CFAP54: variants seen among roughly 807,000 people sequenced by gnomAD.
The protein encoded by CFAP54 is cilia- and flagella-associated protein 54.
CFAP54 carries 290 observed loss-of-function variants against 370.4 expected under a neutral mutation model. That is an observed-to-expected ratio of 0.78 (90% confidence interval 0.71 to 0.86). The LOEUF (loss-of-function observed/expected upper bound fraction) is 0.86, where lower values mean the gene tolerates loss of function less well. CFAP54 is among the 40% of genes least tolerant of loss of function. CFAP54 has a pLI of 0.00. For missense variants in CFAP54, 3,399 were observed against 3,528.7 expected (o/e 0.96, Z 0.93); for synonymous variants, 1,206 against 1,236.5 (o/e 0.98, Z 0.52).
intron 50 of CFAP54, among the ~76,000 whole-genome samples, chr12:96,724,611 T>C (rs1385056981): frequency 3.9e-4 from 60 of 152,144 alleles, no homozygotes; most frequent in African/African-American, 1.2e-3. Context: ...AAAATTTTCT[T>C]CCATTTTGTA....
At chr12:96,595,948 A>G (rs1300732865) in intron 25 of CFAP54, among the ~76,000 whole-genome samples, 1 of 152,148 alleles carries the variant, frequency 6.6e-6, no homozygotes, top group African/African-American at 2.4e-5. Context: ...AAGGTCTTCA[A>G]TGTACTTCAC....
intron 6 of CFAP54, among the ~76,000 whole-genome samples, chr12:96,521,539 TGTGTGTGTGCGC>T (rs777250073): frequency 3.4e-4 from 42 of 124,606 alleles, no homozygotes; most frequent in Middle Eastern, 4.3e-3. Context: ...TGTGTGTGTG[TGTGTGTGTGCGC>T]GTGCGCACAT....
intron 35 of CFAP54, 48 bp from the exon 36 acceptor site, chr12:96,651,540 T>C: frequency 6.8e-7 from 1 of 1,460,468 alleles, no homozygotes; most frequent in Admixed American, 1.8e-5. Flanking sequence ...TTCAGAGATC[T>C]GTAACTTTTG....
chr12:96,708,430 T>C (rs1273497296), intron 47 of CFAP54, among the ~76,000 whole-genome samples, 178 bp from the exon 48 acceptor site: 4 of 152,154 alleles, frequency 2.6e-5, no homozygotes, highest in African/African-American at 7.2e-5. Flanking sequence ...ATTGTTGAAC[T>C]GTTGAGATGG....
At chr12:96,692,913 T>G (rs1367439832) in intron 44 of CFAP54, among the ~76,000 whole-genome samples, 1 of 152,190 alleles carries the variant, frequency 6.6e-6, no homozygotes, top group Non-Finnish European at 1.5e-5. Context: ...AGGCTACAGT[T>G]GCAGGAGCTG....
At position 96,626,949 on chromosome 12, in the gene CFAP54, A is replaced by G. The variant is rs1340041931; in HGVS notation, c.4103+10A>G. On this transcript the variant is annotated intron_variant, in intron 30 of 67. Transcript: ENST00000524981. ...ATGACTTCTTGAAAAGGTACTTGCA[A>G]TTATCAGTGTTATACATGTTAACAA... 7 of 1,344,450 alleles carry G rather than the reference A, an allele frequency of 5.2e-6. No individual in the cohort carries two copies. Among genetic ancestry groups the G allele is most frequent in the South Asian group, 4.1e-5 (2 of 49,128 alleles). The allele number at this position is 1,344,450 out of a possible 1,614,324, so 83.3% of individuals were successfully genotyped here. A position where few individuals can be genotyped will look rare whatever the true frequency, so the allele number is the denominator to read the frequency against.
intron 26 of CFAP54, among the ~76,000 whole-genome samples, chr12:96,614,126 CA>C (rs1246877040): frequency 6.6e-6 from 1 of 152,118 alleles, no homozygotes; most frequent in African/African-American, 2.4e-5. Context: ...AAAATGCTGG[CA>C]AACGGAATCC....
At chr12:96,620,424 C>T (rs1565917229) in intron 26 of CFAP54, among the ~76,000 whole-genome samples, 1 of 152,132 alleles carries the variant, frequency 6.6e-6, no homozygotes, top group Non-Finnish European at 1.5e-5. Flanking sequence ...CTATACAGGC[C>T]CTCTTGCTTG....
At chr12:96,708,274 C>A (rs1333845737) in intron 47 of CFAP54, among the ~76,000 whole-genome samples, 1 of 152,094 alleles carries the variant, frequency 6.6e-6, no homozygotes, top group African/African-American at 2.4e-5. Flanking sequence ...AGCAGAGTAG[C>A]CGATGTGTGT....
rs554646942 is a variant in CFAP54, at chr12:96,574,368, T to C, written c.2620-2217T>C. Among the ~76,000 whole-genome samples, 31 of 152,272 alleles carry C rather than the reference T, an allele frequency of 2.0e-4. No individual in the cohort carries two copies. The East Asian group carries it at 4.8e-3, about 24-fold the overall frequency. ...TTCATTTCCAGGATCTCTTCTCTTA[T>C]GTTTGTTGAATTAACTAGAACTTCC... On this transcript the variant is annotated intron_variant, in intron 19 of 67. Coordinates refer to ENST00000524981, the MANE Select transcript of CFAP54 (RefSeq NM_001306084.2).
intron 36 of CFAP54, among the ~76,000 whole-genome samples, chr12:96,657,540 A>G (rs1223350711): frequency 6.6e-6 from 1 of 152,234 alleles, no homozygotes; most frequent in African/African-American, 2.4e-5. Flanking sequence ...AACATTAGCC[A>G]TATGTGGCTA....
intron 4 of CFAP54, among the ~76,000 whole-genome samples, chr12:96,510,756 G>A (rs1267439507): frequency 6.6e-6 from 1 of 152,020 alleles, no homozygotes; most frequent in Non-Finnish European, 1.5e-5. Flanking sequence ...GAGGTCAGGA[G>A]TTCGAGACCA....
intron 66 of CFAP54, among the ~76,000 whole-genome samples, chr12:96,830,848 T>G (rs1959168807): frequency 6.6e-6 from 1 of 152,002 alleles, no homozygotes; most frequent in Non-Finnish European, 1.5e-5. Flanking sequence ...TGGCTAATTT[T>G]TTTTTTTAGT....
chr12:96,511,241 G>C (rs7132950), intron 4 of CFAP54, among the ~76,000 whole-genome samples: 20,839 of 152,112 alleles, frequency 0.14, 1,534 homozygotes, highest in Middle Eastern at 0.19. Flanking sequence ...TTGTGTAATT[G>C]ATGTTTATTA....
rs571881067 is a variant in CFAP54 at position 96,802,003 on chromosome 12, T to G, written c.8850+9504T>G. ...GCGGACCACACTTCCTACAGCTTCT[T>G]GCTCATATTGCATGGCTGGGAAGGG... On this transcript the variant is annotated intron_variant, in intron 63 of 67. Transcript: ENST00000524981. Among the ~76,000 whole-genome samples, 208 of 152,248 alleles carry G rather than the reference T, an allele frequency of 1.4e-3. 1 individual carries two copies. The highest frequency in any genetic ancestry group is 2.5e-3 in the Non-Finnish European group (171 of 68,006).
intron 27 of CFAP54, among the ~76,000 whole-genome samples, chr12:96,621,974 C>T (rs553102268): frequency 2.8e-5 from 4 of 141,862 alleles, no homozygotes; most frequent in South Asian, 4.6e-4. Flanking sequence ...TCACCAGTCC[C>T]GACCATCAGT....
intron 9 of CFAP54, among the ~76,000 whole-genome samples, chr12:96,528,284 T>C (rs915278222): frequency 5.9e-5 from 9 of 152,330 alleles, no homozygotes; most frequent in African/African-American, 2.2e-4. Context: ...GCAAAAGCTT[T>C]CTCTGAATTT....
chr12:96,854,892 T>C (rs1202392901), intron 66 of CFAP54, among the ~76,000 whole-genome samples: 1 of 152,338 alleles, frequency 6.6e-6, no homozygotes, highest in South Asian at 2.1e-4. Context: ...CAGATTATTT[T>C]ATCACTGAGG....
At chr12:96,634,717 T>C (rs1956646312) in intron 32 of CFAP54, among the ~76,000 whole-genome samples, 1 of 152,204 alleles carries the variant, frequency 6.6e-6, no homozygotes, top group Non-Finnish European at 1.5e-5. Flanking sequence ...GGTTTCATGT[T>C]TTCCATTTAA....
Sources: allele counts gnomAD v4.1 joint callset (sites outside exome capture counted in the v4.1 genomes callset), GRCh38; gene constraint gnomAD v4.1.1; transcripts MANE v1.5; gene names NCBI Gene and HGNC (gene_info 2026-07-23, HGNC 2026-07-21).